The following HSD17B6 variants were observed in gnomAD, a reference collection of about 807,000 sequenced individuals.
HSD17B6 encodes the protein 17-beta-hydroxysteroid dehydrogenase type 6.
Under a neutral mutation model 26.4 loss-of-function variants are expected in HSD17B6, and 16 were observed. The observed-to-expected ratio is 0.61, with a 90% CI of 0.41 to 0.92. The LOEUF is 0.92. HSD17B6 is among the 40% of genes least tolerant of loss of function. HSD17B6 has a pLI of 0.00. For synonymous variants in HSD17B6, 139 were observed against 153.0 expected (o/e 0.91, Z 0.68); for missense variants, 357 against 386.1 (o/e 0.92, Z 0.63).
intron 1 of HSD17B6, among the ~76,000 whole-genome samples, chr12:56,765,997 G>A (rs1047948179): frequency 5.3e-5 from 8 of 152,134 alleles, no homozygotes; most frequent in South Asian, 2.1e-4. Context: ...AGTGAAAATA[G>A]CCTCAACTGA....
intron 1 of HSD17B6, among the ~76,000 whole-genome samples, chr12:56,771,448 A>ATTTTTT (rs35374137): frequency 6.4e-5 from 6 of 93,332 alleles, no homozygotes; most frequent in East Asian, 3.3e-4. Context: ...AAGGGTTGCA[A>ATTTTTT]TTTTTTTTTT....
At chr12:56,785,940 C>T in intron 4 of HSD17B6, 1 of 985,160 alleles carries the variant, frequency 1.0e-6, no homozygotes. Context: ...TGTCAATTTC[C>T]TATAAGAATA....
chr12:56,767,295 G>A (rs764453538), intron 1 of HSD17B6, among the ~76,000 whole-genome samples: 2 of 151,718 alleles, frequency 1.3e-5, no homozygotes, highest in East Asian at 1.9e-4. Context: ...GGAGGATCAC[G>A]AGGTCAGGAG....
rs758671495 is a variant in HSD17B6 at position 56,774,153 on chromosome 12, G to C, written c.301G>C (p.Val101Leu). 6.4e-7 allele frequency: 1 copy of C among 1,567,626 alleles called. No individual in the cohort carries two copies. Among genetic ancestry groups the C allele is most frequent in the East Asian group, 2.3e-5 (1 of 44,380 alleles). Residue 101 changes from valine to leucine, a missense_variant, in exon 2 of 5, where the codon GTG (valine) becomes CTG (leucine). Physicochemically the swap from Val to Leu is conservative, Grantham distance 32 (BLOSUM62 1). Transcript: ENST00000322165. Reference sequence around the variant, plus strand: ...AGCTACTCAGTGGGTGAAGGAGCATGTGGGGGACAGAGGTATGAAATATTT... The same window carrying C: ...AGCTACTCAGTGGGTGAAGGAGCATCTGGGGGACAGAGGTATGAAATATTT... ...AAATQWVKEH[V>L]GDRGLWGLVN...
chr12:56,777,509 C>T (rs542582164), intron 2 of HSD17B6, among the ~76,000 whole-genome samples: 6 of 151,998 alleles, frequency 3.9e-5, no homozygotes, highest in African/African-American at 7.2e-5. Context: ...GGATTACAGG[C>T]GCCCGCCACC....
At chr12:56,785,383 G>A (rs1954854581) in intron 4 of HSD17B6, among the ~76,000 whole-genome samples, 1 of 152,172 alleles carries the variant, frequency 6.6e-6, no homozygotes, top group African/African-American at 2.4e-5. Context: ...AGTTGGGTGG[G>A]GACACAAAGC....
intron 3 of HSD17B6, 73 bp downstream of exon 3, chr12:56,782,305 CCTAT>C: frequency 2.1e-6 from 3 of 1,408,926 alleles, no homozygotes; most frequent in Non-Finnish European, 2.9e-6. Flanking sequence ...GTTGCTTTCG[CCTAT>C]CTTATTTCAT....
At chr12:56,776,094 T>G (rs1003360250) in intron 2 of HSD17B6, among the ~76,000 whole-genome samples, 2 of 151,058 alleles carry the variant, frequency 1.3e-5, no homozygotes, top group Non-Finnish European at 2.9e-5. Flanking sequence ...CCGGGCTAAT[T>G]TTTATATTTT....
At chr12:56,767,158 AG>A (rs1438491930) in intron 1 of HSD17B6, among the ~76,000 whole-genome samples, 1 of 152,060 alleles carries the variant, frequency 6.6e-6, no homozygotes, top group Non-Finnish European at 1.5e-5. Context: ...ACCTTGGAAA[AG>A]TCACTTAATT....
chr12:56,780,637 T>A (rs1954692828), intron 2 of HSD17B6, among the ~76,000 whole-genome samples: 1 of 151,986 alleles, frequency 6.6e-6, no homozygotes, highest in African/African-American at 2.4e-5. Context: ...GGCGGGCAGA[T>A]CACGAGGTCA....
chr12:56,784,652 C>CAGAGGGAGACCATGGAAAG (rs1954834802), intron 3 of HSD17B6, among the ~76,000 whole-genome samples: 2 of 152,050 alleles, frequency 1.3e-5, no homozygotes. Context: ...CGCTCGGCAT[C>CAGAGGGAGACCATGGAAAG]AGAGGGAGAC....
chr12:56,780,670 A>G (rs1203937774), intron 2 of HSD17B6, among the ~76,000 whole-genome samples: 1 of 151,890 alleles, frequency 6.6e-6, no homozygotes, highest in African/African-American at 2.4e-5. Context: ...CATCCTGGCG[A>G]ACACGGTGAA....
In HSD17B6 at chr12:56,782,930, A is replaced by G. The variant is rs533419124; in HGVS notation, c.572+698A>G. Among the ~76,000 whole-genome samples the G allele has an allele frequency of 1.2e-4, 18 of 152,246 alleles. No homozygotes were observed. In the South Asian group the frequency reaches 3.5e-3, roughly 30 times the overall value. On this transcript the variant is annotated intron_variant, in intron 3 of 4. Coordinates refer to ENST00000322165, the MANE Select transcript of HSD17B6 (RefSeq NM_003725.4). ...CCATTTAACCCTGAGTGGACACAGC[A>G]CATGTTTCAGAGAGCACAGGGTTGG...
At position 56,787,254 on chromosome 12, in the gene HSD17B6, T is replaced by G. The variant is rs533756182; in HGVS notation, c.866T>G (p.Phe289Cys). ...TRYSAGWDAK[F>C]FFIPLSYLPT... Reference sequence around the variant, plus strand: ...TATTCAGCTGGCTGGGATGCTAAATTTTTCTTCATCCCTCTATCTTATTTA... The same window carrying G: ...TATTCAGCTGGCTGGGATGCTAAATGTTTCTTCATCCCTCTATCTTATTTA... Residue 289 changes from phenylalanine (F) to cysteine (C), a missense_variant, in exon 5 of 5, where the codon TTT (phenylalanine) becomes TGT (cysteine). Physicochemically the swap from Phe to Cys is radical, Grantham distance 205 (BLOSUM62 -2). Coordinates refer to ENST00000322165, the MANE Select transcript of HSD17B6 (RefSeq NM_003725.4). 2.5e-5 allele frequency: 40 copies of G among 1,614,088 alleles called. 3 individuals are homozygous for G. The South Asian group carries it at 3.8e-4, about 16-fold the overall frequency.
rs1270221562 is a variant in HSD17B6 at position 56,787,687 on chromosome 12, T to C, written c.*345T>C. ...ATAATTGTTCTATGCTTTAATAATC[T>C]ATTGTGAGGAAACTACTAAGAAATA... On this transcript the variant is annotated 3_prime_UTR_variant, in exon 5 of 5. Coordinates refer to ENST00000322165, the MANE Select transcript of HSD17B6 (RefSeq NM_003725.4). 3 of 213,364 alleles carry C rather than the reference T, an allele frequency of 1.4e-5. No individual in the cohort carries two copies. The highest frequency in any genetic ancestry group is 2.8e-5 in the Non-Finnish European group (3 of 106,428). 13.2% of individuals were successfully genotyped at this position (213,364 alleles called of 1,614,324 possible). A position where few individuals can be genotyped will look rare whatever the true frequency, so the allele number is the denominator to read the frequency against.
At chr12:56,767,896 T>C (rs921117544) in intron 1 of HSD17B6, among the ~76,000 whole-genome samples, 1 of 150,096 alleles carries the variant, frequency 6.7e-6, no homozygotes, top group African/African-American at 2.4e-5. Context: ...CACATATATA[T>C]ACAATGTATA....
chr12:56,782,354 T>A (rs962086768), intron 3 of HSD17B6, 122 bp downstream of exon 3: 1 of 939,326 alleles, frequency 1.1e-6, no homozygotes, highest in Non-Finnish European at 1.6e-6. Context: ...ATATTATTAC[T>A]AGTCTATTTT....
chr12:56,767,469 A>T (rs973577272), intron 1 of HSD17B6, among the ~76,000 whole-genome samples: 10 of 151,088 alleles, frequency 6.6e-5, no homozygotes, highest in Non-Finnish European at 7.4e-5. Flanking sequence ...GTGAGCCGAG[A>T]TCGCGCTACT....
intron 2 of HSD17B6, among the ~76,000 whole-genome samples, chr12:56,779,987 A>G (rs192606870): frequency 2.0e-5 from 3 of 152,272 alleles, no homozygotes; most frequent in Admixed American, 2.0e-4. Context: ...AGGCTAGTCT[A>G]TGTTAATAAT....
Sources: gnomAD v4.1 joint callset for allele counts (sites outside exome capture counted in the v4.1 genomes callset) on GRCh38, gnomAD v4.1.1 for gene constraint, MANE v1.5 for transcripts, NCBI Gene and HGNC (gene_info 2026-07-23, HGNC 2026-07-21) for gene names.